Variants in C8orf34 observed in about 807,000 individuals in gnomAD.
The protein encoded by C8orf34 is chromosome 8 open reading frame 34, also known as uncharacterized protein C8orf34.
In C8orf34, 65 loss-of-function variants were observed where a neutral mutation model predicts 68.3. That is an observed-to-expected ratio of 0.95 (90% CI 0.78 to 1.17). C8orf34 has a LOEUF of 1.17. Among genes scored for constraint, C8orf34 ranks in the 50% most tolerant of loss-of-function variants. The pLI is 0.00. For synonymous variants in C8orf34, 244 were observed against 241.2 expected, an observed-to-expected ratio of 1.01 and a Z score of -0.11; for missense variants, 664 against 655.4, an observed-to-expected ratio of 1.01 and a Z score of -0.14.
At chr8:68,670,620 T>C (rs758505840) in intron 8 of C8orf34, among the ~76,000 whole-genome samples, 1 of 152,136 alleles carries the variant, frequency 6.6e-6, no homozygotes, top group Non-Finnish European at 1.5e-5. Context: ...GTTCATTTAA[T>C]TCCTCTAAAA....
intron 7 of C8orf34, among the ~76,000 whole-genome samples, chr8:68,616,872 A>C (rs1818235171): frequency 6.6e-6 from 1 of 152,108 alleles, no homozygotes; most frequent in Non-Finnish European, 1.5e-5. Flanking sequence ...TGATCTGTCT[A>C]ATGTTGACAG....
chr8:68,723,348 C>T (rs1821728217), intron 10 of C8orf34, among the ~76,000 whole-genome samples: 1 of 152,078 alleles, frequency 6.6e-6, no homozygotes, highest in East Asian at 1.9e-4. Flanking sequence ...CCAATGCTTA[C>T]ATTGTGTAGT....
At chr8:68,367,912 G>GAAAAAACAAAAAAAAAAAAAAAAAAAAAA (rs1807364855) in intron 1 of C8orf34, among the ~76,000 whole-genome samples, 1 of 79,116 alleles carries the variant, frequency 1.3e-5, no homozygotes, top group Non-Finnish European at 2.3e-5. Flanking sequence ...AAAAAGAAAA[G>GAAAAAACAAAAAAAAAAAAAAAAAAAAAA]AAAAAAAAAA....
intron 8 of C8orf34, among the ~76,000 whole-genome samples, chr8:68,684,795 AT>A (rs889845874): frequency 1.6e-4 from 24 of 149,230 alleles, no homozygotes; most frequent in African/African-American, 4.6e-4. Context: ...TAAAAAAAAA[AT>A]ATTTTTTTTA....
intron 7 of C8orf34, among the ~76,000 whole-genome samples, chr8:68,597,649 C>T (rs919155061): frequency 3.3e-5 from 5 of 151,724 alleles, no homozygotes; most frequent in African/African-American, 7.3e-5. Context: ...ATTATTTTGG[C>T]GACCAAGGAA....
chr8:68,520,110 T>C (rs1410420647), intron 5 of C8orf34, among the ~76,000 whole-genome samples: 1 of 152,178 alleles, frequency 6.6e-6, no homozygotes, highest in East Asian at 1.9e-4. Flanking sequence ...GTGCTTTAAT[T>C]TTCTGATGTG....
In C8orf34 at chr8:68,567,577, CTTTTTTTTTTTTTT is replaced by C. The variant is rs1160845483; in HGVS notation, c.1105+34450_1105+34463del. 2.7e-4 allele frequency among the ~76,000 whole-genome samples: 8 copies of C among 29,790 alleles called. No individual in the cohort carries two copies. The East Asian group carries it at 6.2e-3, about 23-fold the overall frequency. 19.5% of individuals were successfully genotyped at this position (29,790 alleles called of 152,430 possible). ...TCTTTTCAAATTTTGTTTCATTTATCTTTTTTTTTTTTTTTTTTTTTTTTTTTTTTTTTTTGAGG... is the reference window on the plus strand; with the variant it reads ...TCTTTTCAAATTTTGTTTCATTTATCTTTTTTTTTTTTTTTTTTTTTGAGG... On this transcript the variant is annotated intron_variant, in intron 7 of 13. Transcript: ENST00000518698.
At chr8:68,658,792 T>C (rs915455680) in intron 8 of C8orf34, among the ~76,000 whole-genome samples, 1 of 152,172 alleles carries the variant, frequency 6.6e-6, no homozygotes, top group African/African-American at 2.4e-5. Flanking sequence ...ATCTCTATGT[T>C]CTTAAATTAT....
intron 5 of C8orf34, among the ~76,000 whole-genome samples, chr8:68,513,581 TA>T (rs1457926781): frequency 1.3e-5 from 2 of 150,614 alleles, no homozygotes; most frequent in African/African-American, 2.5e-5. Flanking sequence ...GAATAAAAAA[TA>T]AAAGTTAACT....
At chr8:68,412,017 C>T (rs1008333746) in intron 1 of C8orf34, among the ~76,000 whole-genome samples, 1 of 152,138 alleles carries the variant, frequency 6.6e-6, no homozygotes, top group Admixed American at 6.6e-5. Flanking sequence ...AGCTTTAACC[C>T]CTTTGTCCTG....
At chr8:68,345,160 G>A (rs892759619) in intron 1 of C8orf34, among the ~76,000 whole-genome samples, 19 of 151,876 alleles carry the variant, frequency 1.3e-4, no homozygotes, top group East Asian at 1.9e-4. Context: ...AAATCTTTGC[G>A]TAATCTGTAT....
chr8:68,488,727 G>A (rs763755442), intron 5 of C8orf34, among the ~76,000 whole-genome samples: 1 of 152,112 alleles, frequency 6.6e-6, no homozygotes, highest in African/African-American at 2.4e-5. Flanking sequence ...AACATTAAGA[G>A]TTCTCATTTA....
In C8orf34 at chr8:68,777,859, G is replaced by A. The variant is rs529609265; in HGVS notation, c.1455+1410G>A. ...TGCTCTCAATAATAATTTTTTGTCTGAAATAAAATATATAAAATCTCTCCA... is the reference window on the plus strand; with the variant it reads ...TGCTCTCAATAATAATTTTTTGTCTAAAATAAAATATATAAAATCTCTCCA... On this transcript the variant is annotated intron_variant, in intron 11 of 13. Coordinates refer to ENST00000518698, the MANE Select transcript of C8orf34 (RefSeq NM_052958.4). Among the ~76,000 whole-genome samples the A allele has an allele frequency of 2.0e-5, 3 of 152,142 alleles. No individual in the cohort carries two copies. In the East Asian group the frequency reaches 5.8e-4, roughly 29 times the overall value.
intron 8 of C8orf34, among the ~76,000 whole-genome samples, chr8:68,660,448 G>T (rs906001326): frequency 1.3e-5 from 2 of 152,174 alleles, no homozygotes; most frequent in African/African-American, 2.4e-5. Flanking sequence ...TCTGGAGGGT[G>T]AGAATTATCC....
At chr8:68,464,830 C>T (rs1485086450) in intron 3 of C8orf34, among the ~76,000 whole-genome samples, 2 of 151,982 alleles carry the variant, frequency 1.3e-5, no homozygotes, top group Non-Finnish European at 2.9e-5. Context: ...AATGTTAGAC[C>T]TAAAACCATA....
intron 1 of C8orf34, among the ~76,000 whole-genome samples, chr8:68,418,524 A>G (rs1367616535): frequency 6.6e-6 from 1 of 152,162 alleles, no homozygotes; most frequent in East Asian, 1.9e-4. Context: ...AATTTTGTCA[A>G]AGGCCTTTTC....
In C8orf34 at chr8:68,468,647, C is replaced by T; in HGVS notation, c.608-45C>T. On this transcript the variant is annotated intron_variant, in intron 3 of 13. Transcript: ENST00000518698. ...GTGATGATGAATAGTCAGTTTGTGT[C>T]ATTATGTAGCATGCTTATGAAATTA... is the stretch of plus-strand genomic sequence containing the variant. 5 of 1,591,186 alleles carry T rather than the reference C, an allele frequency of 3.1e-6. No homozygotes were observed. The South Asian group carries it at 4.5e-5, about 14-fold the overall frequency.
chr8:68,684,984 A>G (rs1050313912), intron 8 of C8orf34, among the ~76,000 whole-genome samples: 5 of 152,140 alleles, frequency 3.3e-5, no homozygotes, highest in African/African-American at 7.2e-5. Context: ...TCATTAATAT[A>G]CAACAGGTAA....
intron 7 of C8orf34, among the ~76,000 whole-genome samples, chr8:68,568,434 G>C (rs1816664603): frequency 6.6e-6 from 1 of 151,916 alleles, no homozygotes; most frequent in Non-Finnish European, 1.5e-5. Context: ...ATTTTTGAAC[G>C]CTGAAAAAGT....
Sources: gnomAD v4.1 joint callset for allele counts (sites outside exome capture counted in the v4.1 genomes callset) on GRCh38, gnomAD v4.1.1 for gene constraint, MANE v1.5 for transcripts, NCBI Gene and HGNC (gene_info 2026-07-23, HGNC 2026-07-21) for gene names.